The following ACSS3 variants were observed in gnomAD, a reference collection of about 807,000 sequenced individuals.
ACSS3 encodes the protein acyl-CoA synthetase short-chain family member 3, mitochondrial.
In ACSS3, 64 loss-of-function variants were observed where a neutral mutation model predicts 84.2. That is an observed-to-expected ratio of 0.76 (90% CI 0.62 to 0.94). The LOEUF (loss-of-function observed/expected upper bound fraction) is 0.94, where lower values mean the gene tolerates loss of function less well. ACSS3 is among the 40% of genes least tolerant of loss of function. ACSS3 has a pLI of 0.00. For synonymous variants in ACSS3, 317 were observed against 310.1 expected (o/e 1.02, Z -0.23); for missense variants, 815 against 867.6 (o/e 0.94, Z 0.76).
At chr12:81,081,099 T>A (rs1236777805) in intron 1 of ACSS3, among the ~76,000 whole-genome samples, 1 of 152,202 alleles carries the variant, frequency 6.6e-6, no homozygotes, top group Non-Finnish European at 1.5e-5. Flanking sequence ...TATAAGCTTG[T>A]CTGTTTGTTG....
chr12:81,082,802 G>A (rs1443506883), intron 1 of ACSS3, among the ~76,000 whole-genome samples: 1 of 152,184 alleles, frequency 6.6e-6, no homozygotes, highest in Non-Finnish European at 1.5e-5. Context: ...CTCTGAGAAA[G>A]CTTCAATACC....
At chr12:81,250,286 T>A (rs910235903) in intron 13 of ACSS3, among the ~76,000 whole-genome samples, 4 of 152,112 alleles carry the variant, frequency 2.6e-5, no homozygotes, top group African/African-American at 9.7e-5. Context: ...CATAAAAAGC[T>A]ACCACCCTTC....
intron 4 of ACSS3, among the ~76,000 whole-genome samples, chr12:81,141,325 A>G (rs1180302667): frequency 6.6e-6 from 1 of 152,130 alleles, no homozygotes; most frequent in Admixed American, 6.6e-5. Flanking sequence ...TTTGCTTTGA[A>G]TTTAGAGAGA....
intron 7 of ACSS3, among the ~76,000 whole-genome samples, chr12:81,173,648 A>G (rs2030248154): frequency 6.6e-6 from 1 of 152,116 alleles, no homozygotes; most frequent in African/African-American, 2.4e-5. Flanking sequence ...TCTAACTGTC[A>G]TGATATCATC....
intron 13 of ACSS3, among the ~76,000 whole-genome samples, chr12:81,245,676 G>C (rs1038037671): frequency 1.3e-5 from 2 of 152,140 alleles, no homozygotes; most frequent in African/African-American, 4.8e-5. Flanking sequence ...AGAGGTTTCT[G>C]CTCCAATAAA....
chr12:81,214,734 C>T lies in ACSS3; in HGVS notation c.1355-2167C>T, dbSNP rs911550484. Among the ~76,000 whole-genome samples, 12 of 152,186 alleles carry T rather than the reference C, an allele frequency of 7.9e-5. 1 individual carries two copies. The highest frequency in any genetic ancestry group is 7.7e-4 in the East Asian group (4 of 5,166). On this transcript the variant is annotated intron_variant, in intron 9 of 15. Coordinates refer to ENST00000548058, the MANE Select transcript of ACSS3 (RefSeq NM_024560.4). ...TTCCTACATCCCCCTTCTCCCAGTG[C>T]GATAGGAACAACAGAGTGATAACGT...
At chr12:81,215,853 A>G (rs1033774037) in intron 9 of ACSS3, among the ~76,000 whole-genome samples, 2 of 152,152 alleles carry the variant, frequency 1.3e-5, no homozygotes, top group East Asian at 1.9e-4. Flanking sequence ...ATCAGGTAAT[A>G]GCTAATATTC....
At chr12:81,238,963 A>T (rs1289276092) in intron 13 of ACSS3, among the ~76,000 whole-genome samples, 1 of 151,450 alleles carries the variant, frequency 6.6e-6, no homozygotes, top group Non-Finnish European at 1.5e-5. Context: ...TTGATTTTAG[A>T]TCTCTCTTCT....
At chr12:81,151,432 T>C (rs1565692988) in intron 5 of ACSS3, among the ~76,000 whole-genome samples, 3 of 152,182 alleles carry the variant, frequency 2.0e-5, no homozygotes, top group Admixed American at 1.3e-4. Flanking sequence ...TCTTAAGAAA[T>C]AGAGGTCCTT....
At chr12:81,210,944 AT>A (rs910166906) in intron 9 of ACSS3, among the ~76,000 whole-genome samples, 5 of 152,146 alleles carry the variant, frequency 3.3e-5, no homozygotes, top group African/African-American at 1.2e-4. Flanking sequence ...CTTTGATGGA[AT>A]TTTAATTCAT....
At chr12:81,203,873 CTTTTCG>C (rs2032222383) in intron 9 of ACSS3, among the ~76,000 whole-genome samples, 1 of 152,090 alleles carries the variant, frequency 6.6e-6, no homozygotes, top group African/African-American at 2.4e-5. Context: ...ATTGACTGAA[CTTTTCG>C]TTTTATTTTT....
chr12:81,229,928 T>C (rs2033399106), intron 11 of ACSS3, among the ~76,000 whole-genome samples: 1 of 151,852 alleles, frequency 6.6e-6, no homozygotes, highest in South Asian at 2.1e-4. Context: ...AGCATTTTGT[T>C]CCTGACAGAA....
chr12:81,118,177 CCACT>C (rs1884214096), intron 2 of ACSS3: 1 of 152,062 alleles, frequency 6.6e-6, no homozygotes, highest in Non-Finnish European at 1.5e-5. Context: ...ATCCCCCCCT[CCACT>C]CAAATTTTTA....
At chr12:81,159,366 A>G (rs1887037440) in intron 7 of ACSS3, among the ~76,000 whole-genome samples, 1 of 152,146 alleles carries the variant, frequency 6.6e-6, no homozygotes, top group African/African-American at 2.4e-5. Context: ...TAATAAAGTT[A>G]CCAAATAATA....
chr12:81,205,069 C>A (rs925951405), intron 9 of ACSS3, among the ~76,000 whole-genome samples: 12 of 152,044 alleles, frequency 7.9e-5, no homozygotes, highest in Admixed American at 7.9e-4. Context: ...GATTGAACTG[C>A]TTCGGTTTTA....
At chr12:81,106,151 A>G (rs953008746) in intron 1 of ACSS3, among the ~76,000 whole-genome samples, 18 of 152,300 alleles carry the variant, frequency 1.2e-4, no homozygotes, top group Admixed American at 4.6e-4. Flanking sequence ...GCAGGAGGTG[A>G]GCAGCAGGTG....
At chr12:81,220,200 T>A in intron 11 of ACSS3, 124 bp downstream of exon 11, 1 of 470,690 alleles carries the variant, frequency 2.1e-6, no homozygotes, top group Non-Finnish European at 3.8e-6. Flanking sequence ...GTGTGTTGCT[T>A]AAGAACTGTG....
At chr12:81,134,596 G>A (rs1885689096) in intron 2 of ACSS3, among the ~76,000 whole-genome samples, 1 of 152,070 alleles carries the variant, frequency 6.6e-6, no homozygotes, top group South Asian at 2.1e-4. Context: ...TAAAGTTTAT[G>A]TGACATAATA....
chr12:81,198,403 T>G (rs187205022), intron 8 of ACSS3, among the ~76,000 whole-genome samples: 1 of 152,254 alleles, frequency 6.6e-6, no homozygotes, highest in East Asian at 1.9e-4. Context: ...TGAATCTCCA[T>G]GAATCTTTAT....
Sources: gnomAD v4.1 joint callset for allele counts (sites outside exome capture counted in the v4.1 genomes callset) on GRCh38, gnomAD v4.1.1 for gene constraint, MANE v1.5 for transcripts, NCBI Gene and HGNC (gene_info 2026-07-23, HGNC 2026-07-21) for gene names.